WDR17: variants seen among roughly 807,000 people sequenced by gnomAD.
The protein encoded by WDR17 is WD repeat domain 17.
In WDR17, 143 loss-of-function variants were observed where a neutral mutation model predicts 161.7. The observed-to-expected ratio is 0.88, with a 90% CI of 0.77 to 1.02. The LOEUF (loss-of-function observed/expected upper bound fraction) is 1.02, where lower values mean the gene tolerates loss of function less well. Ranked by LOEUF, WDR17 falls within the 50% of genes least tolerant of loss-of-function variation. The pLI is 0.00. For synonymous variants in WDR17, 517 were observed against 515.6 expected (o/e 1.00, Z -0.04); for missense variants, 1,469 against 1,520.9 (o/e 0.97, Z 0.57).
intron 1 of WDR17, among the ~76,000 whole-genome samples, chr4:176,087,203 T>A (rs895445534): frequency 6.6e-6 from 1 of 152,058 alleles, no homozygotes; most frequent in Non-Finnish European, 1.5e-5. Flanking sequence ...AAGAAATCCC[T>A]TATATTTTTT....
Position 176,131,528 on chromosome 4 carries a change from T to C in WDR17, c.914-26T>C, listed in dbSNP as rs202009749. 9.5e-6 allele frequency: 15 copies of C among 1,578,242 alleles called. No individual in the cohort carries two copies. The East Asian group carries it at 3.4e-4, about 36-fold the overall frequency. The stretch of plus-strand genomic sequence containing the variant: ...ATTAAGCTCTGTGGTTTCATTCCAA[T>C]AGGATTTTTTTTCTTCTATTTTTAG... On this transcript the variant is annotated intron_variant, in intron 6 of 28. Coordinates refer to ENST00000508596, the MANE Select transcript of WDR17 (RefSeq NM_181265.4).
intron 1 of WDR17, among the ~76,000 whole-genome samples, chr4:176,093,156 A>G (rs937288654): frequency 6.6e-6 from 1 of 152,200 alleles, no homozygotes; most frequent in Non-Finnish European, 1.5e-5. Context: ...AAGAGTCTAT[A>G]ATGAAAACTA....
rs779881907 is a variant in WDR17 at position 176,120,015 on chromosome 4, C to T, written c.456C>T (p.Ile152=). The part of the protein sequence containing the change: ...HKDAHSFLSD[I]CMFRWHTHQK... ...ATGCTCATAGCTTCTTGTCTGATATCTGTATGTTCAGATGGCATACACACC... is the reference window on the plus strand; with the variant it reads ...ATGCTCATAGCTTCTTGTCTGATATTTGTATGTTCAGATGGCATACACACC... Residue 152 remains isoleucine, a synonymous_variant, in exon 4 of 29, where the codon ATC becomes ATT. Coordinates refer to ENST00000508596, the MANE Select transcript of WDR17 (RefSeq NM_181265.4). 2 of 1,613,994 alleles carry T rather than the reference C, an allele frequency of 1.2e-6. No individual in the cohort carries two copies. The highest frequency in any genetic ancestry group is 1.7e-6 in the Non-Finnish European group (2 of 1,179,988).
intron 1 of WDR17, among the ~76,000 whole-genome samples, chr4:176,099,241 C>A (rs963308687): frequency 6.6e-6 from 1 of 152,082 alleles, no homozygotes; most frequent in African/African-American, 2.4e-5. Context: ...CAAATCACTG[C>A]CCTCAAAATT....
At chr4:176,076,551 A>C (rs1307631952) in intron 1 of WDR17, among the ~76,000 whole-genome samples, 2 of 150,900 alleles carry the variant, frequency 1.3e-5, no homozygotes, top group African/African-American at 4.9e-5. Flanking sequence ...AATTTCTCTA[A>C]ATTTTAAAAA....
At chr4:176,130,705 A>G (rs898002756) in intron 6 of WDR17, among the ~76,000 whole-genome samples, 2 of 151,238 alleles carry the variant, frequency 1.3e-5, no homozygotes, top group African/African-American at 2.4e-5. Context: ...AGATCATGCC[A>G]CAGCACTCCA....
At chr4:176,157,253 T>C (rs1235050443) in intron 18 of WDR17, among the ~76,000 whole-genome samples, 1 of 152,238 alleles carries the variant, frequency 6.6e-6, no homozygotes, top group African/African-American at 2.4e-5. Context: ...TATATTATTA[T>C]GTAATTACCT....
intron 1 of WDR17, 101 bp downstream of exon 1, chr4:176,066,180 C>T (rs1732501472): frequency 6.6e-6 from 1 of 152,416 alleles, no homozygotes; most frequent in Admixed American, 6.5e-5. Flanking sequence ...GCTCTGACCT[C>T]CCTGTGATCG....
intron 20 of WDR17, among the ~76,000 whole-genome samples, chr4:176,161,463 A>G (rs1482470378): frequency 6.6e-6 from 1 of 152,132 alleles, no homozygotes; most frequent in East Asian, 1.9e-4. Context: ...AGTTATTTTA[A>G]AAAAGAAATG....
At chr4:176,166,396 C>T (rs1248300791) in intron 22 of WDR17, among the ~76,000 whole-genome samples, 1 of 151,942 alleles carries the variant, frequency 6.6e-6, no homozygotes, top group Non-Finnish European at 1.5e-5. Flanking sequence ...CCTGCAATAC[C>T]AAATAATAGC....
chr4:176,110,600 A>G (rs1739546860), intron 1 of WDR17, among the ~76,000 whole-genome samples: 1 of 152,186 alleles, frequency 6.6e-6, no homozygotes, highest in Non-Finnish European at 1.5e-5. Context: ...TGATTTTGTT[A>G]TGATGAGTTT....
chr4:176,119,533 T>C (rs1048954181), intron 3 of WDR17, among the ~76,000 whole-genome samples: 16 of 152,190 alleles, frequency 1.1e-4, no homozygotes, highest in Admixed American at 9.2e-4. Flanking sequence ...CTAGAGGTCT[T>C]ATATACAAAT....
chr4:176,173,293 T>C lies in WDR17; in HGVS notation c.3271T>C (p.Leu1091=), dbSNP rs1750999779. 2.5e-6 allele frequency: 4 copies of C among 1,612,466 alleles called. No individual in the cohort carries two copies. The highest frequency in any genetic ancestry group is 2.7e-5 in the African/African-American group (2 of 74,850). ...KEYISSSDWT[L]DTIYPVLDLL... ...ATACATCAGTAGCTCAGACTGGACT[T>C]TGGATACCATATACCCTGTTCTTGA... is the stretch of plus-strand genomic sequence containing the variant. Residue 1091 remains leucine (L), a synonymous_variant, in exon 25 of 29, where the codon TTG becomes CTG. Coordinates refer to ENST00000508596, the MANE Select transcript of WDR17 (RefSeq NM_181265.4).
At chr4:176,127,379 A>G (rs1205255597) in intron 5 of WDR17, among the ~76,000 whole-genome samples, 1 of 150,310 alleles carries the variant, frequency 6.7e-6, no homozygotes, top group Non-Finnish European at 1.5e-5. Context: ...TGCAACCTCC[A>G]CCTCTGGGTT....
At chr4:176,170,457 A>G (rs537540101) in intron 23 of WDR17, among the ~76,000 whole-genome samples, 34 of 152,058 alleles carry the variant, frequency 2.2e-4, no homozygotes, top group African/African-American at 7.7e-4. Flanking sequence ...CTGGGATTAC[A>G]GGCATGCACC....
intron 11 of WDR17, among the ~76,000 whole-genome samples, chr4:176,145,044 G>T (rs1257641227): frequency 1.3e-5 from 2 of 152,088 alleles, no homozygotes; most frequent in East Asian, 3.9e-4. Flanking sequence ...TCTACATGTG[G>T]GCTTAAATAA....
chr4:176,128,218 G>A (rs144635797), intron 5 of WDR17, among the ~76,000 whole-genome samples: 38 of 152,296 alleles, frequency 2.5e-4, no homozygotes, highest in Admixed American at 5.9e-4. Context: ...TTAATCGTTT[G>A]TGTAACTGCC....
chr4:176,177,252 A>AAAG, intron 27 of WDR17, 96 bp downstream of exon 27: 1 of 1,172,206 alleles, frequency 8.5e-7, no homozygotes. Flanking sequence ...ATTTTAGCAG[A>AAAG]ATAATGAATC....
chr4:176,142,253 A>C (rs572991365), intron 11 of WDR17, among the ~76,000 whole-genome samples, 184 bp downstream of exon 11: 1 of 152,344 alleles, frequency 6.6e-6, no homozygotes, highest in African/African-American at 2.4e-5. Flanking sequence ...TATTCCATGA[A>C]GTTTTTACAT....
Sources: allele counts gnomAD v4.1 joint callset (sites outside exome capture counted in the v4.1 genomes callset), GRCh38; gene constraint gnomAD v4.1.1; transcripts MANE v1.5; gene names NCBI Gene and HGNC (gene_info 2026-07-23, HGNC 2026-07-21).